The following SLC67A2 variants were observed in gnomAD, a reference collection of about 807,000 sequenced individuals.
The protein encoded by SLC67A2 is solute carrier family 67 member A2.
chr2:102,732,437 C>A, the SLC67A2 span: 2 of 1,546,258 alleles, frequency 1.3e-6, no homozygotes, highest in East Asian at 4.5e-5. Context: ...CTGATGGACT[C>A]AAATTAGTAT....
chr2:102,735,830 C>G, the SLC67A2 span, among the ~76,000 whole-genome samples: 1 of 123,772 alleles, frequency 8.1e-6, no homozygotes, highest in Non-Finnish European at 1.6e-5. Context: ...GGGAGCAAAC[C>G]AGGACACGCG....
chr2:102,731,488 T>A, the SLC67A2 span, among the ~76,000 whole-genome samples: 1 of 152,194 alleles, frequency 6.6e-6, no homozygotes, highest in Admixed American at 6.5e-5. Context: ...ATTTCTAATG[T>A]GTACTGGTTT....
At chr2:102,723,719 CA>C in the SLC67A2 span, 1 of 1,614,072 alleles carries the variant, frequency 6.2e-7, no homozygotes, top group South Asian at 1.1e-5. Flanking sequence ...GAATGAAGAC[CA>C]AAAAGCAGAT....
the SLC67A2 span, among the ~76,000 whole-genome samples, chr2:102,722,078 T>C: frequency 6.6e-6 from 1 of 152,246 alleles, no homozygotes; most frequent in African/African-American, 2.4e-5. Flanking sequence ...GGAGTCTGCC[T>C]ACTGATTTGG....
chr2:102,735,011 C>A, the SLC67A2 span, among the ~76,000 whole-genome samples: 1 of 152,234 alleles, frequency 6.6e-6, no homozygotes, highest in African/African-American at 2.4e-5. Flanking sequence ...CAAGTCCCTT[C>A]TGAGACAGGA....
At chr2:102,720,631 A>G in the SLC67A2 span, among the ~76,000 whole-genome samples, 2 of 152,196 alleles carry the variant, frequency 1.3e-5, no homozygotes, top group Admixed American at 1.3e-4. Context: ...TAACAAGGCT[A>G]TGTGTTTTGT....
At chr2:102,730,653 C>G in the SLC67A2 span, among the ~76,000 whole-genome samples, 4 of 151,858 alleles carry the variant, frequency 2.6e-5, no homozygotes, top group Non-Finnish European at 5.9e-5. Flanking sequence ...CACCATTCTC[C>G]TGCCTCAGCC....
At chr2:102,723,985 C>T in the SLC67A2 span, 115 of 1,255,724 alleles carry the variant, frequency 9.2e-5, no homozygotes, top group Non-Finnish European at 1.3e-4. Flanking sequence ...TGTGCTTAAC[C>T]TCTATCCCTG....
chr2:102,715,780 A>C, the SLC67A2 span: 1 of 152,218 alleles, frequency 6.6e-6, no homozygotes, highest in Non-Finnish European at 1.5e-5. Context: ...GCTCAACCTG[A>C]CACACTGGAA....
the SLC67A2 span, among the ~76,000 whole-genome samples, chr2:102,726,172 C>G: frequency 1.3e-5 from 2 of 152,150 alleles, no homozygotes; most frequent in African/African-American, 4.8e-5. Context: ...ATCCCAGTGT[C>G]CCCGCTAACT....
At chr2:102,726,972 G>T in the SLC67A2 span, 1 of 1,612,636 alleles carries the variant, frequency 6.2e-7, no homozygotes, top group Non-Finnish European at 8.5e-7. Context: ...CGCTCCAGCA[G>T]CCCTGAGGAA....
chr2:102,732,765 G>A, the SLC67A2 span, among the ~76,000 whole-genome samples: 1 of 148,250 alleles, frequency 6.7e-6, no homozygotes, highest in African/African-American at 2.4e-5. Flanking sequence ...TCCTTCTGGA[G>A]TTGGCGAAAG....
chr2:102,732,359 C>T, the SLC67A2 span: 1 of 1,613,762 alleles, frequency 6.2e-7, no homozygotes, highest in Non-Finnish European at 8.5e-7. Flanking sequence ...CTCCAAGGGA[C>T]TTGACATGAA....
At chr2:102,718,448 TCAC>T in the SLC67A2 span, 1 of 1,614,120 alleles carries the variant, frequency 6.2e-7, no homozygotes, top group Non-Finnish European at 8.5e-7. Flanking sequence ...ACTATTCCCA[TCAC>T]CACTAGAGTG....
the SLC67A2 span, among the ~76,000 whole-genome samples, chr2:102,728,096 T>C: frequency 0.68 from 103,311 of 151,932 alleles, 36,195 homozygotes; most frequent in East Asian, 0.77. Flanking sequence ...AAGCCTGCCA[T>C]TTCACACACT....
the SLC67A2 span, chr2:102,716,686 C>A: frequency 3.3e-5 from 5 of 152,114 alleles, no homozygotes; most frequent in Admixed American, 3.3e-4. Flanking sequence ...AAAGATATGA[C>A]AAATTACTGT....
At chr2:102,733,800 T>C in the SLC67A2 span, among the ~76,000 whole-genome samples, 1 of 151,572 alleles carries the variant, frequency 6.6e-6, no homozygotes, top group Non-Finnish European at 1.5e-5. Flanking sequence ...AAAATGGGTA[T>C]CCTAAATAAG....
chr2:102,726,806 A>G, the SLC67A2 span: 85 of 1,532,274 alleles, frequency 5.5e-5, no homozygotes, highest in Admixed American at 1.8e-3. Flanking sequence ...TTCTGGGGGA[A>G]GCTACGTTTG....
chr2:102,732,311 C>T, the SLC67A2 span: 9 of 1,606,774 alleles, frequency 5.6e-6, no homozygotes, highest in East Asian at 2.2e-5. Context: ...TGAGCAATAT[C>T]GACCACTCAC....
Sources: allele counts gnomAD v4.1 joint callset (sites outside exome capture counted in the v4.1 genomes callset), GRCh38; gene constraint gnomAD v4.1.1; transcripts MANE v1.5; gene names NCBI Gene and HGNC (gene_info 2026-07-23, HGNC 2026-07-21).